Variants in ZRANB3 observed in about 807,000 individuals in gnomAD.
ZRANB3 encodes zinc finger RANBP2-type containing 3.
ZRANB3 carries 125 observed loss-of-function variants against 133.8 expected under a neutral mutation model. The ratio of observed to expected loss-of-function variants is 0.93; its 90% CI spans 0.81 to 1.08. The LOEUF (loss-of-function observed/expected upper bound fraction) is 1.08, where lower values mean the gene tolerates loss of function less well. Ranked by LOEUF, ZRANB3 falls within the 50% of genes least tolerant of loss-of-function variation. ZRANB3 has a pLI of 0.00. For missense variants in ZRANB3, 1,229 were observed against 1,275.5 expected (o/e 0.96, Z 0.56); for synonymous variants, 387 against 432.7 (o/e 0.89, Z 1.31).
intron 2 of ZRANB3, among the ~76,000 whole-genome samples, chr2:135,410,756 G>C (rs1290417416): frequency 6.8e-6 from 1 of 146,038 alleles, no homozygotes; most frequent in Non-Finnish European, 1.5e-5. Flanking sequence ...TAAGGAACTG[G>C]AACGAATCAA....
intron 2 of ZRANB3, among the ~76,000 whole-genome samples, chr2:135,455,302 C>A (rs984791878): frequency 2.7e-5 from 4 of 147,982 alleles, no homozygotes; most frequent in African/African-American, 7.4e-5. Context: ...GATTCTCCTG[C>A]CTCACCCTCC....
At chr2:135,372,569 T>C (rs924729596) in intron 3 of ZRANB3, among the ~76,000 whole-genome samples, 1 of 151,664 alleles carries the variant, frequency 6.6e-6, no homozygotes, top group African/African-American at 2.4e-5. Context: ...AGGCGGATCA[T>C]GAGATCAGGA....
chr2:135,461,570 T>C (rs1036521475), intron 2 of ZRANB3, among the ~76,000 whole-genome samples: 4 of 152,068 alleles, frequency 2.6e-5, no homozygotes, highest in African/African-American at 9.7e-5. Context: ...AAACTCCATC[T>C]TAAACAAAAC....
intron 12 of ZRANB3, among the ~76,000 whole-genome samples, chr2:135,259,027 A>G (rs1182272216): frequency 6.6e-6 from 1 of 152,122 alleles, no homozygotes; most frequent in East Asian, 1.9e-4. Context: ...TTGAATTTTG[A>G]GAACTTTGTT....
chr2:135,528,519 T>C (rs1241978155), intron 1 of ZRANB3, among the ~76,000 whole-genome samples: 5 of 152,180 alleles, frequency 3.3e-5, no homozygotes, highest in South Asian at 2.1e-4. Context: ...GACTTACAGT[T>C]TGTCATAAGG....
intron 1 of ZRANB3, among the ~76,000 whole-genome samples, chr2:135,522,504 G>A (rs1288161287): frequency 7.2e-5 from 11 of 152,128 alleles, no homozygotes; most frequent in Admixed American, 7.2e-4. Flanking sequence ...AAGGCATAAA[G>A]TTTTAGAAAA....
In ZRANB3 at chr2:135,230,875, T is replaced by G; in HGVS notation, c.1592A>C (p.Lys531Thr). ...ACAGGAGGTCATCAACTGTCTTTTTTTAGGTTGTGGTACAAAAAATGATCG... is the reference window on the plus strand; with the variant it reads ...ACAGGAGGTCATCAACTGTCTTTTTGTAGGTTGTGGTACAAAAAATGATCG... The part of the protein sequence containing the change: ...DIRSFFVPQP[K>T]KRQLMTSCDE... Residue 531 changes from lysine (K) to threonine (T), a missense_variant, in exon 13 of 21, where the codon AAA becomes ACA. Coordinates refer to ENST00000264159, the MANE Select transcript of ZRANB3 (RefSeq NM_032143.4). The G allele has an allele frequency of 6.3e-7, 1 of 1,593,502 alleles. No homozygotes were observed. Among genetic ancestry groups the G allele is most frequent in the Non-Finnish European group, 8.5e-7 (1 of 1,172,098 alleles).
chr2:135,200,455 A>C lies in ZRANB3; in HGVS notation c.3142-15T>G. On this transcript the variant is annotated splice_polypyrimidine_tract_variant and intron_variant, in intron 20 of 20. Coordinates refer to ENST00000264159, the MANE Select transcript of ZRANB3 (RefSeq NM_032143.4). ...CTGGCAGTTCTCTAAAAGTTAAAAAATATGCATGTGTACACGTTAGGAAAA... is the reference window on the plus strand; with the variant it reads ...CTGGCAGTTCTCTAAAAGTTAAAAACTATGCATGTGTACACGTTAGGAAAA... The C allele has an allele frequency of 6.3e-7, 1 of 1,576,448 alleles. No homozygotes were observed. Among genetic ancestry groups the C allele is most frequent in the Non-Finnish European group, 8.6e-7 (1 of 1,156,416 alleles).
At chr2:135,203,030 T>C in intron 19 of ZRANB3, 67 bp from the exon 20 acceptor site, 1 of 1,558,052 alleles carries the variant, frequency 6.4e-7, no homozygotes, top group Non-Finnish European at 8.7e-7. Context: ...TGGTTTTGCA[T>C]TGTGCAATCA....
rs115657040 is a variant in ZRANB3 at position 135,366,590 on chromosome 2, T to C, written c.181-12962A>G. 3.0e-3 allele frequency among the ~76,000 whole-genome samples: 452 copies of C among 152,174 alleles called. 2 individuals carry two copies. Among genetic ancestry groups the C allele is most frequent in the African/African-American group, 0.01 (428 of 41,528 alleles). ...AAATGAGACAGCAAAATCAATTTGT[T>C]ATTCTAAGAAAGACATGGAATGTTA... On this transcript the variant is annotated intron_variant, in intron 3 of 20. Coordinates refer to ENST00000264159, the MANE Select transcript of ZRANB3 (RefSeq NM_032143.4).
chr2:135,440,336 T>C (rs530874241), intron 2 of ZRANB3, among the ~76,000 whole-genome samples: 2 of 151,772 alleles, frequency 1.3e-5, no homozygotes, highest in South Asian at 2.1e-4. Context: ...GAGGCAGAGG[T>C]TGCAGTGAGC....
chr2:135,407,038 G>A (rs529202613), intron 2 of ZRANB3, among the ~76,000 whole-genome samples: 138 of 152,262 alleles, frequency 9.1e-4, no homozygotes, highest in African/African-American at 3.2e-3. Context: ...AATTGTCCCT[G>A]TTTGCAGATG....
intron 9 of ZRANB3, among the ~76,000 whole-genome samples, chr2:135,272,253 G>A (rs1285164845): frequency 6.6e-6 from 1 of 151,944 alleles, no homozygotes; most frequent in Non-Finnish European, 1.5e-5. Flanking sequence ...TTAAACCATG[G>A]ATCAGACTAA....
intron 6 of ZRANB3, among the ~76,000 whole-genome samples, chr2:135,339,017 T>A (rs1360779001): frequency 6.6e-6 from 1 of 152,192 alleles, no homozygotes. Flanking sequence ...GGCTCATGAC[T>A]GTAATTCCAG....
At chr2:135,243,550 T>C (rs1490193813) in intron 12 of ZRANB3, among the ~76,000 whole-genome samples, 5 of 152,202 alleles carry the variant, frequency 3.3e-5, no homozygotes, top group Non-Finnish European at 5.9e-5. Context: ...GGAATCTTTC[T>C]TAATCTGCTT....
chr2:135,328,632 C>T (rs908583172), intron 6 of ZRANB3, among the ~76,000 whole-genome samples: 2 of 152,130 alleles, frequency 1.3e-5, no homozygotes, highest in Non-Finnish European at 2.9e-5. Context: ...CTTGAGGAAT[C>T]GCCACACTGT....
intron 2 of ZRANB3, among the ~76,000 whole-genome samples, chr2:135,490,171 T>G (rs1236837679): frequency 6.6e-6 from 1 of 152,194 alleles, no homozygotes; most frequent in Non-Finnish European, 1.5e-5. Context: ...AAAGTGGGCC[T>G]GAGGAATTTC....
chr2:135,275,824 T>A, intron 8 of ZRANB3, 69 bp from the exon 9 acceptor site: 1 of 1,246,812 alleles, frequency 8.0e-7, no homozygotes, highest in Non-Finnish European at 1.0e-6. Context: ...TCACTTTTAA[T>A]AAAGCAAGAA....
chr2:135,298,722 T>C (rs1682284507), intron 8 of ZRANB3, among the ~76,000 whole-genome samples: 6 of 152,284 alleles, frequency 3.9e-5, no homozygotes, highest in South Asian at 2.1e-4. Flanking sequence ...CTGCTGAAGA[T>C]AGTAGGGCAG....
Sources: allele counts gnomAD v4.1 joint callset (sites outside exome capture counted in the v4.1 genomes callset), GRCh38; gene constraint gnomAD v4.1.1; transcripts MANE v1.5; gene names NCBI Gene and HGNC (gene_info 2026-07-23, HGNC 2026-07-21).